RPA3: variants seen among roughly 807,000 people sequenced by gnomAD.
The protein encoded by RPA3 is replication protein A 14 kDa subunit.
In RPA3, 24 loss-of-function variants were observed where a neutral mutation model predicts 13.7. The ratio of observed to expected loss-of-function variants is 1.75; its 90% confidence interval spans 1.27 to 2.46. The LOEUF (loss-of-function observed/expected upper bound fraction) is 2.46. RPA3 is among the 30% of genes most tolerant of loss of function. RPA3 has a pLI of 0.00. For synonymous variants in RPA3, 59 were observed against 51.2 expected (o/e 1.15, Z -0.65); for missense variants, 183 against 151.0 (o/e 1.21, Z -1.11).
chr7:7,688,538 C>T (rs1780093006), intron 2 of RPA3, among the ~76,000 whole-genome samples: 1 of 152,094 alleles, frequency 6.6e-6, no homozygotes, highest in East Asian at 1.9e-4. Flanking sequence ...TTGTCTGTGT[C>T]GTGTTCAGTG....
intron 6 of RPA3, 119 bp from the exon 7 acceptor site, chr7:7,638,091 AT>A: frequency 1.6e-6 from 1 of 614,548 alleles, no homozygotes; most frequent in Non-Finnish European, 2.8e-6. Context: ...AATTTTAAGA[AT>A]TACCAGTGTA....
chr7:7,703,198 C>G (rs1390811970), intron 2 of RPA3, among the ~76,000 whole-genome samples: 1 of 152,162 alleles, frequency 6.6e-6, no homozygotes, highest in Non-Finnish European at 1.5e-5. Context: ...TTAAAATCCA[C>G]TTGATGTTTG....
At position 7,694,015 on chromosome 7, in the gene RPA3, G is replaced by A. The variant is rs561960592; in HGVS notation, c.-1027-6687C>T. 3.7e-4 allele frequency among the ~76,000 whole-genome samples: 56 copies of A among 152,154 alleles called. No individual in the cohort carries two copies. The South Asian group carries it at 9.8e-3, about 26-fold the overall frequency. ...GAATACTAATGCTTTGTTGATATAAGGCAACTGAGTTTTTTTCAACTGAGT... is the reference window on the plus strand; with the variant it reads ...GAATACTAATGCTTTGTTGATATAAAGCAACTGAGTTTTTTTCAACTGAGT... On this transcript the variant is annotated intron_variant, in intron 2 of 7. Transcript: ENST00000223129.
Position 7,640,350 on chromosome 7 carries a change from C to T in RPA3, c.69G>A (p.Lys23=). Residue 23 remains lysine (K), a synonymous_variant, in exon 5 of 8, where the codon AAG becomes AAA. Coordinates refer to ENST00000223129, the MANE Select transcript of RPA3 (RefSeq NM_002947.5). ...CCAGCCTCCCTACGAAGCAGACAGG[C>T]TTGTCGATGAATTGAGCTAGCATGC... ...NAGMLAQFID[K]PVCFVGRLEK... 6.2e-7 allele frequency: 1 copy of T among 1,614,116 alleles called. No individual in the cohort carries two copies. Among genetic ancestry groups the T allele is most frequent in the South Asian group, 1.1e-5 (1 of 91,088 alleles).
At position 7,640,491 on chromosome 7, in the gene RPA3, G is replaced by A; in HGVS notation, c.-73C>T. ...AACTGTGCGCCCCGCGGGTGTCTAT[G>A]GGGCAGATTTCTCGGCACCAATCAG... On this transcript the variant is annotated 5_prime_UTR_variant, in exon 5 of 8. Coordinates refer to ENST00000223129, the MANE Select transcript of RPA3 (RefSeq NM_002947.5). 1 of 1,408,538 alleles carries A rather than the reference G, an allele frequency of 7.1e-7. No homozygotes were observed. The highest frequency in any genetic ancestry group is 1.0e-6 in the Non-Finnish European group (1 of 1,000,924). 87.3% of individuals were successfully genotyped at this position (1,408,538 alleles called of 1,614,324 possible). A position where few individuals can be genotyped will look rare whatever the true frequency, so the allele number is the denominator to read the frequency against.
At chr7:7,716,017 T>TC (rs1780893251) in intron 1 of RPA3, among the ~76,000 whole-genome samples, 1 of 152,190 alleles carries the variant, frequency 6.6e-6, no homozygotes, top group Non-Finnish European at 1.5e-5. Flanking sequence ...CGAATAATTT[T>TC]TTAAATTAGA....
chr7:7,695,731 C>T (rs1302642503), intron 2 of RPA3, among the ~76,000 whole-genome samples: 2 of 152,280 alleles, frequency 1.3e-5, no homozygotes, highest in East Asian at 3.9e-4. Context: ...CTATGTAGAC[C>T]TAGCATCTTT....
At chr7:7,714,700 C>G (rs1780849187) in intron 2 of RPA3, among the ~76,000 whole-genome samples, 1 of 152,082 alleles carries the variant, frequency 6.6e-6, no homozygotes, top group Admixed American at 6.5e-5. Context: ...GTGTCCCTAA[C>G]TGCAAATAAA....
intron 4 of RPA3, among the ~76,000 whole-genome samples, chr7:7,671,224 C>G (rs1448762810): frequency 6.6e-6 from 1 of 152,170 alleles, no homozygotes; most frequent in Non-Finnish European, 1.5e-5. Context: ...AATAGCCAGA[C>G]CTAAAATTTT....
chr7:7,701,905 G>A (rs1209905456), intron 2 of RPA3, among the ~76,000 whole-genome samples: 1 of 152,094 alleles, frequency 6.6e-6, no homozygotes, highest in Non-Finnish European at 1.5e-5. Context: ...AACCATTTCT[G>A]CCATCTCTCT....
In RPA3 at chr7:7,718,514, C is replaced by G. The variant is rs529874466; in HGVS notation, c.-1080+1G>C. 9 of 152,262 alleles carry G rather than the reference C, an allele frequency of 5.9e-5. No homozygotes were observed. In the East Asian group the frequency reaches 1.5e-3, roughly 26 times the overall value. The allele number at this position is 152,262 out of a possible 1,614,324, so 9.4% of individuals were successfully genotyped here. A position where few individuals can be genotyped will look rare whatever the true frequency, so the allele number is the denominator to read the frequency against. The stretch of plus-strand genomic sequence containing the variant: ...TCCAACAAATTCAAACAGATACTTA[C>G]AAAATTAAGACGATTGTAAATGTGT... On this transcript the variant is annotated splice_donor_variant, in intron 1 of 7. Coordinates refer to ENST00000223129, the MANE Select transcript of RPA3 (RefSeq NM_002947.5). LOFTEE classifies it low-confidence loss of function (5UTR_SPLICE).
chr7:7,662,515 A>G (rs72576124), intron 4 of RPA3, among the ~76,000 whole-genome samples: 5,993 of 152,170 alleles, frequency 0.039, 201 homozygotes, highest in East Asian at 0.15. Flanking sequence ...TCCGGACCGG[A>G]GTGCACTGTT....
chr7:7,643,417 T>A (rs1221883572), intron 4 of RPA3, among the ~76,000 whole-genome samples: 1 of 152,132 alleles, frequency 6.6e-6, no homozygotes, highest in African/African-American at 2.4e-5. Context: ...CTTGTAAAAG[T>A]CCTAGGATCA....
At chr7:7,674,703 A>G (rs1413751212) in intron 4 of RPA3, among the ~76,000 whole-genome samples, 1 of 152,152 alleles carries the variant, frequency 6.6e-6, no homozygotes, top group African/African-American at 2.4e-5. Context: ...TGTGTCAGGA[A>G]TTTATGCCTT....
intron 4 of RPA3, among the ~76,000 whole-genome samples, chr7:7,647,842 C>G (rs1331315298): frequency 6.6e-6 from 1 of 152,192 alleles, no homozygotes; most frequent in Non-Finnish European, 1.5e-5. Context: ...TAGGCTCAAG[C>G]AAGCCTCCCT....
chr7:7,655,877 C>A (rs1785329325), intron 4 of RPA3, among the ~76,000 whole-genome samples: 1 of 152,008 alleles, frequency 6.6e-6, no homozygotes, highest in African/African-American at 2.4e-5. Context: ...CTCTTGTTCC[C>A]CAGGCTGGAA....
At chr7:7,682,538 A>G (rs1424758756) in intron 4 of RPA3, among the ~76,000 whole-genome samples, 1 of 152,172 alleles carries the variant, frequency 6.6e-6, no homozygotes, top group African/African-American at 2.4e-5. Flanking sequence ...CATTCTAAGG[A>G]ATGAGGGACA....
chr7:7,661,040 C>T (rs1279236977), intron 4 of RPA3, among the ~76,000 whole-genome samples: 1 of 151,582 alleles, frequency 6.6e-6, no homozygotes, highest in Non-Finnish European at 1.5e-5. Flanking sequence ...CTAATCTTGT[C>T]TTCATGCTTT....
At chr7:7,682,900 T>A (rs142655103) in intron 4 of RPA3, among the ~76,000 whole-genome samples, 47 of 152,348 alleles carry the variant, frequency 3.1e-4, no homozygotes, top group African/African-American at 1.1e-3. Flanking sequence ...GAGTTGTGTG[T>A]CTAATGGATA....
Sources: allele counts gnomAD v4.1 joint callset (sites outside exome capture counted in the v4.1 genomes callset), GRCh38; gene constraint gnomAD v4.1.1; transcripts MANE v1.5; gene names NCBI Gene and HGNC (gene_info 2026-07-23, HGNC 2026-07-21).